The following SEL1L2 variants were observed in gnomAD, a reference collection of about 807,000 sequenced individuals.
SEL1L2 encodes the protein protein sel-1 homolog 2.
A neutral mutation model predicts 98.8 loss-of-function variants in SEL1L2; 89 were observed. That is an observed-to-expected ratio of 0.90 (90% CI 0.76 to 1.07). The LOEUF is 1.07. Among genes scored for constraint, SEL1L2 ranks in the 50% least tolerant of loss-of-function variants. SEL1L2 has a pLI of 0.00. For missense variants in SEL1L2, 788 were observed against 812.0 expected (o/e 0.97, Z 0.36); for synonymous variants, 262 against 278.5 (o/e 0.94, Z 0.59).
At chr20:13,932,668 T>C (rs960709111) in intron 2 of SEL1L2, among the ~76,000 whole-genome samples, 1 of 152,090 alleles carries the variant, frequency 6.6e-6, no homozygotes, top group African/African-American at 2.4e-5. Context: ...TGACCTCAGG[T>C]GATCTGCCCG....
chr20:13,970,973 T>A (rs2051260057), intron 1 of SEL1L2, among the ~76,000 whole-genome samples: 1 of 151,520 alleles, frequency 6.6e-6, no homozygotes, highest in Non-Finnish European at 1.5e-5. Flanking sequence ...GTTTCAATTT[T>A]TTTCAATGTA....
chr20:13,985,474 C>A (rs1009194127), intron 1 of SEL1L2, among the ~76,000 whole-genome samples: 1 of 152,178 alleles, frequency 6.6e-6, no homozygotes, highest in African/African-American at 2.4e-5. Context: ...TCTGACTACT[C>A]CACACACCAT....
intron 2 of SEL1L2, among the ~76,000 whole-genome samples, chr20:13,937,598 A>G (rs897842554): frequency 6.6e-6 from 1 of 152,186 alleles, no homozygotes; most frequent in Non-Finnish European, 1.5e-5. Flanking sequence ...GTCGTGTGAC[A>G]AGAACCTGGG....
At chr20:13,904,388 T>C (rs1166057367) in intron 5 of SEL1L2, among the ~76,000 whole-genome samples, 1 of 152,020 alleles carries the variant, frequency 6.6e-6, no homozygotes, top group East Asian at 1.9e-4. Flanking sequence ...CTTAGCTGGC[T>C]GTGGTGGTGT....
At chr20:13,989,300 G>T (rs748876678) in intron 1 of SEL1L2, among the ~76,000 whole-genome samples, 3 of 151,950 alleles carry the variant, frequency 2.0e-5, no homozygotes, top group Non-Finnish European at 4.4e-5. Flanking sequence ...TATAGAAATA[G>T]AACTTTTTTT....
At chr20:13,991,478 T>C (rs2052531254), upstream of SEL1L2, among the ~76,000 whole-genome samples, 1 of 152,216 alleles carries the variant, frequency 6.6e-6, no homozygotes, top group East Asian at 1.9e-4. Context: ...GGCTAGCTCC[T>C]CCTGGAGGCT....
chr20:13,940,557 C>A (rs1408596380), intron 2 of SEL1L2, among the ~76,000 whole-genome samples: 1 of 152,108 alleles, frequency 6.6e-6, no homozygotes, highest in Non-Finnish European at 1.5e-5. Context: ...ATATTGCGAT[C>A]CTAGGAGACA....
At chr20:13,851,446 AG>A (rs1264320817) in intron 18 of SEL1L2, 1 of 152,158 alleles carries the variant, frequency 6.6e-6, no homozygotes, top group African/African-American at 2.4e-5. Context: ...AGTACGCAGT[AG>A]GTCTTTGATA....
intron 1 of SEL1L2, among the ~76,000 whole-genome samples, chr20:13,982,610 G>A (rs1384406197): frequency 6.6e-5 from 10 of 151,024 alleles, no homozygotes; most frequent in African/African-American, 2.4e-4. Context: ...GTTTCTAAGA[G>A]AGATGTAAAT....
At chr20:13,890,182 G>A (rs2047144692) in intron 5 of SEL1L2, among the ~76,000 whole-genome samples, 1 of 152,154 alleles carries the variant, frequency 6.6e-6, no homozygotes, top group Non-Finnish European at 1.5e-5. Flanking sequence ...TTTCTACCTT[G>A]GGAGGGAAAG....
chr20:13,930,934 C>A (rs1461603589), intron 3 of SEL1L2, among the ~76,000 whole-genome samples: 2 of 152,126 alleles, frequency 1.3e-5, no homozygotes, highest in East Asian at 2.0e-4. Flanking sequence ...TAGTGGGTAA[C>A]AGCCCGGGCA....
At chr20:13,894,958 A>G (rs572711597) in intron 5 of SEL1L2, among the ~76,000 whole-genome samples, 55 of 152,314 alleles carry the variant, frequency 3.6e-4, no homozygotes, top group African/African-American at 1.3e-3. Context: ...CAAACTTTCC[A>G]TGAGGCCAGC....
chr20:13,868,714 G>C (rs1376639666), intron 14 of SEL1L2, among the ~76,000 whole-genome samples: 1 of 149,292 alleles, frequency 6.7e-6, no homozygotes, highest in East Asian at 2.0e-4. Flanking sequence ...CAAGCAATTT[G>C]ATTCTGCCTC....
intron 2 of SEL1L2, among the ~76,000 whole-genome samples, chr20:13,932,988 G>T (rs920001664): frequency 6.6e-6 from 1 of 151,906 alleles, no homozygotes; most frequent in Non-Finnish European, 1.5e-5. Context: ...CGTCCGGATT[G>T]CCTGAGGTCA....
At chr20:13,934,832 G>A (rs539411442) in intron 2 of SEL1L2, among the ~76,000 whole-genome samples, 43 of 151,716 alleles carry the variant, frequency 2.8e-4, no homozygotes, top group Non-Finnish European at 5.0e-4. Flanking sequence ...GTATCACATT[G>A]TGGTTTTGGT....
intron 1 of SEL1L2, among the ~76,000 whole-genome samples, chr20:13,963,689 C>G (rs111507407): frequency 2.6e-5 from 4 of 151,788 alleles, no homozygotes; most frequent in Admixed American, 2.6e-4. Context: ...GTACTCCAGC[C>G]TGGGAAACAG....
At chr20:13,881,609 A>G (rs921319741) in intron 10 of SEL1L2, among the ~76,000 whole-genome samples, 1 of 152,234 alleles carries the variant, frequency 6.6e-6, no homozygotes, top group Non-Finnish European at 1.5e-5. Context: ...TGCATATACA[A>G]TATTTTTCAC....
At chr20:13,897,448 A>T (rs2148061648) in intron 5 of SEL1L2, among the ~76,000 whole-genome samples, 1 of 152,350 alleles carries the variant, frequency 6.6e-6, no homozygotes. Flanking sequence ...GAAACAATTG[A>T]TACAGTAAAA....
chr20:13,877,884 G>C (rs527676734), intron 10 of SEL1L2, among the ~76,000 whole-genome samples: 28 of 152,234 alleles, frequency 1.8e-4, no homozygotes, highest in African/African-American at 6.7e-4. Context: ...CGCTTTGTAG[G>C]GTGAGATGAA....
Sources: allele counts gnomAD v4.1 joint callset (sites outside exome capture counted in the v4.1 genomes callset), GRCh38; gene constraint gnomAD v4.1.1; transcripts MANE v1.5; gene names NCBI Gene and HGNC (gene_info 2026-07-23, HGNC 2026-07-21).